The following ALDH8A1 variants were observed in gnomAD, a reference collection of about 807,000 sequenced individuals.
The protein encoded by ALDH8A1 is 2-aminomuconic semialdehyde dehydrogenase.
A neutral mutation model predicts 43.3 loss-of-function variants in ALDH8A1; 39 were observed. That is an observed-to-expected ratio of 0.90 (90% CI 0.70 to 1.18). ALDH8A1 has a LOEUF of 1.18. Among genes scored for constraint, ALDH8A1 ranks in the 50% most tolerant of loss-of-function variants. The pLI, the probability that ALDH8A1 is intolerant of heterozygous loss-of-function variation, is 0.00. For missense variants in ALDH8A1, 605 were observed against 622.6 expected (o/e 0.97, Z 0.30); for synonymous variants, 233 against 243.5 (o/e 0.96, Z 0.40).
chr6:134,931,701 T>C (rs1052134595), intron 5 of ALDH8A1, among the ~76,000 whole-genome samples: 2 of 152,240 alleles, frequency 1.3e-5, no homozygotes, highest in Admixed American at 6.5e-5. Flanking sequence ...TGCTTAATGA[T>C]TAAATTAGTT....
At chr6:134,935,956 T>C (rs1450062164) in intron 4 of ALDH8A1, among the ~76,000 whole-genome samples, 1 of 150,138 alleles carries the variant, frequency 6.7e-6, no homozygotes, top group African/African-American at 2.4e-5. Context: ...CCCACTTCTT[T>C]TTTTTTTTTT....
At chr6:134,933,077 A>G in intron 4 of ALDH8A1, 45 bp from the exon 5 acceptor site, 1 of 1,494,472 alleles carries the variant, frequency 6.7e-7, no homozygotes, top group Non-Finnish European at 8.9e-7. Context: ...CAGTATGTTG[A>G]AGAGTTCAAG....
At chr6:134,939,706 C>T (rs778623581) in intron 3 of ALDH8A1, among the ~76,000 whole-genome samples, 38 of 152,200 alleles carry the variant, frequency 2.5e-4, no homozygotes, top group Admixed American at 3.9e-4. Flanking sequence ...AAAGAGTTGT[C>T]ACCTATCATA....
chr6:134,926,960 G>A (rs992483903), intron 6 of ALDH8A1, among the ~76,000 whole-genome samples: 9 of 152,202 alleles, frequency 5.9e-5, no homozygotes, highest in East Asian at 1.9e-4. Context: ...CTTGATTACC[G>A]TTCTCCACTG....
rs147963824 is a variant in ALDH8A1, at chr6:134,930,055, C to T, written c.850-840G>A. Among the ~76,000 whole-genome samples, 316 of 152,226 alleles carry T rather than the reference C, an allele frequency of 2.1e-3. 5 individuals are homozygous for T. Among genetic ancestry groups the T allele is most frequent in the Middle Eastern group, 0.014 (4 of 294 alleles). ...AGTTCAACAGATTCTTCCAGGGGCA[C>T]GGGACCTCCGAAGTGTGATGAAGTT... On this transcript the variant is annotated intron_variant, in intron 5 of 6. Coordinates refer to ENST00000265605, the MANE Select transcript of ALDH8A1 (RefSeq NM_022568.4).
At chr6:134,939,682 T>C (rs1773817487) in intron 3 of ALDH8A1, among the ~76,000 whole-genome samples, 1 of 152,212 alleles carries the variant, frequency 6.6e-6, no homozygotes, top group Non-Finnish European at 1.5e-5. Flanking sequence ...AACAGCAATA[T>C]AAACTCCAGA....
chr6:134,932,858 C>T lies in ALDH8A1; in HGVS notation c.767G>A (p.Gly256Asp), dbSNP rs767665680. Residue 256 changes from glycine to aspartate, a missense_variant, in exon 5 of 7, where the codon GGC (glycine) becomes GAC (aspartate). Coordinates refer to ENST00000265605, the MANE Select transcript of ALDH8A1 (RefSeq NM_022568.4). ...CTCAAAGATGATGGCAGGATTCTTG[C>T]CCCCCAGCTCCAGGGAGAGCTTTTT... ...HCKKLSLELGGKNPAIIFEDA... is the reference protein window; with the variant it reads ...HCKKLSLELGDKNPAIIFEDA... The T allele has an allele frequency of 6.2e-6, 10 of 1,614,170 alleles. No individual in the cohort carries two copies. The highest frequency in any genetic ancestry group is 4.5e-5 in the East Asian group (2 of 44,884).
rs1776749818 is a variant in ALDH8A1 at position 134,918,703 on chromosome 6, T to C, written c.1176A>G (p.Ile392Met). ...KDESCCMTEE[I>M]FGPVTCVVPF... ...GGACGACACACGTCACTGGACCAAA[T>C]ATCTCTTCCGTCATGCAGCAGGATT... Residue 392 changes from isoleucine to methionine, a missense_variant, in exon 7 of 7, where the codon ATA (isoleucine) becomes ATG (methionine). Transcript: ENST00000265605. The C allele has an allele frequency of 6.2e-7, 1 of 1,614,182 alleles. No homozygotes were observed. Among genetic ancestry groups the C allele is most frequent in the Non-Finnish European group, 8.5e-7 (1 of 1,180,034 alleles).
At chr6:134,949,779 G>A (rs1774012080) in intron 1 of ALDH8A1, 137 bp downstream of exon 1, 5 of 1,000,904 alleles carry the variant, frequency 5.0e-6, no homozygotes, top group Non-Finnish European at 6.8e-6. Flanking sequence ...TACATCTTCT[G>A]AGAACTAGAA....
intron 5 of ALDH8A1, among the ~76,000 whole-genome samples, chr6:134,932,505 C>G (rs1180648038): frequency 1.3e-5 from 2 of 152,152 alleles, no homozygotes; most frequent in African/African-American, 4.8e-5. Flanking sequence ...CTTGGAGCAG[C>G]AACATCAATC....
chr6:134,922,891 T>C lies in ALDH8A1; in HGVS notation c.1012-4024A>G, dbSNP rs564641571. Among the ~76,000 whole-genome samples the C allele has an allele frequency of 1.8e-4, 28 of 152,278 alleles. No homozygotes were observed. The East Asian group carries it at 2.5e-3, about 14-fold the overall frequency. On this transcript the variant is annotated intron_variant, in intron 6 of 6. Transcript: ENST00000265605. ...GTCTTCAGTTGAGTTGATAGTAACG[T>C]GCTGGTTTGTTAGCATGAACAGATG...
Position 134,935,865 on chromosome 6 carries a change from C to T in ALDH8A1, c.593-2833G>A, listed in dbSNP as rs1583030493. Among the ~76,000 whole-genome samples the T allele has an allele frequency of 2.6e-5, 4 of 152,142 alleles. No individual in the cohort carries two copies. The South Asian group carries it at 8.3e-4, about 31-fold the overall frequency. ...CAGCCTTGGCCCAATCACCTTGAAG[C>T]TACAGTGAAGGTCCCATCCCAGTGA... is the stretch of plus-strand genomic sequence containing the variant. On this transcript the variant is annotated intron_variant, in intron 4 of 6. Transcript: ENST00000265605.
intron 2 of ALDH8A1, among the ~76,000 whole-genome samples, 181 bp from the exon 3 acceptor site, chr6:134,942,745 G>A (rs1773879725): frequency 6.6e-6 from 1 of 152,142 alleles, no homozygotes; most frequent in African/African-American, 2.4e-5. Flanking sequence ...CAATATTTAG[G>A]TATAAGGTTG....
At chr6:134,942,342 T>C in intron 3 of ALDH8A1, 67 bp downstream of exon 3, 1 of 1,455,826 alleles carries the variant, frequency 6.9e-7, no homozygotes, top group South Asian at 1.5e-5. Flanking sequence ...TTGAGGACAA[T>C]GCCATAGAAT....
intron 3 of ALDH8A1, among the ~76,000 whole-genome samples, chr6:134,941,154 CCATACTA>C (rs1773845836): frequency 6.6e-6 from 1 of 152,088 alleles, no homozygotes; most frequent in Non-Finnish European, 1.5e-5. Flanking sequence ...ACACCTGGCA[CCATACTA>C]CATGCCCTAC....
chr6:134,943,362 T>A (rs1204604847), intron 2 of ALDH8A1, among the ~76,000 whole-genome samples: 1 of 150,874 alleles, frequency 6.6e-6, no homozygotes, highest in Non-Finnish European at 1.5e-5. Flanking sequence ...GAAAAAAAAA[T>A]GAGATGTGTC....
chr6:134,943,695 G>T (rs1773900829), intron 2 of ALDH8A1, 124 bp downstream of exon 2: 3 of 1,417,344 alleles, frequency 2.1e-6, no homozygotes, highest in Non-Finnish European at 1.9e-6. Flanking sequence ...GGGAGGGTTT[G>T]CTCTCCACTT....
At chr6:134,922,968 T>TA (rs1371080189) in intron 6 of ALDH8A1, among the ~76,000 whole-genome samples, 2 of 152,194 alleles carry the variant, frequency 1.3e-5, no homozygotes, top group Non-Finnish European at 2.9e-5. Flanking sequence ...TGAGTGGTTA[T>TA]AAAAACTCTC....
intron 6 of ALDH8A1, among the ~76,000 whole-genome samples, chr6:134,926,869 G>T (rs1252804020): frequency 6.6e-6 from 1 of 151,304 alleles, no homozygotes; most frequent in Non-Finnish European, 1.5e-5. Flanking sequence ...ACCTCTTCTT[G>T]ACCTCTTCTT....
Sources: allele counts gnomAD v4.1 joint callset (sites outside exome capture counted in the v4.1 genomes callset), GRCh38; gene constraint gnomAD v4.1.1; transcripts MANE v1.5; gene names NCBI Gene and HGNC (gene_info 2026-07-23, HGNC 2026-07-21).